The following PHKA1 variants were observed in gnomAD, a reference collection of about 807,000 sequenced individuals.
PHKA1 encodes the protein phosphorylase b kinase regulatory subunit alpha, skeletal muscle isoform.
Under a neutral mutation model 110.2 loss-of-function variants are expected in PHKA1, and 60 were observed. The observed-to-expected ratio is 0.54, with a 90% CI of 0.44 to 0.68. PHKA1 has a LOEUF of 0.68. Ranked by LOEUF, PHKA1 falls within the 30% of genes least tolerant of loss-of-function variation. The probability of loss-of-function intolerance (pLI) is 0.00; values close to 1 mark genes in which losing one functional copy is unlikely to be tolerated. For missense variants in PHKA1, 801 were observed against 942.5 expected (o/e 0.85, Z 1.97); for synonymous variants, 316 against 333.6 (o/e 0.95, Z 0.58).
At chrX:72,670,733 C>G (rs2053682643) in intron 6 of PHKA1, among the ~76,000 whole-genome samples, 1 of 111,623 alleles carries the variant, frequency 9.0e-6, no homozygotes, top group African/African-American at 3.3e-5. Context: ...AAAGCTTATC[C>G]ACCATGATCA....
intron 16 of PHKA1, among the ~76,000 whole-genome samples, chrX:72,630,249 AAAAGAAAAAGAAAAAG>A (rs1420380751): frequency 1.8e-4 from 15 of 83,202 alleles, no homozygotes; most frequent in Non-Finnish European, 3.1e-4. Flanking sequence ...GAGACTCTGA[AAAAGAAAAAGAAAAAG>A]AAAAAGAAAA....
At chrX:72,687,167 T>G (rs2053975713) in intron 4 of PHKA1, among the ~76,000 whole-genome samples, 1 of 111,695 alleles carries the variant, frequency 9.0e-6, no homozygotes, top group African/African-American at 3.3e-5. Flanking sequence ...TTTACTGAAT[T>G]GCTGGTCTTC....
Position 72,695,739 on chromosome X carries a change from G to A in PHKA1, c.423C>T (p.Tyr141=). ...CAGTCATTTGGGCTAAGAAGAGCAGGTACACAGAGGTAGCATCCAACTGCA... is the reference window on the plus strand; with the variant it reads ...CAGTCATTTGGGCTAAGAAGAGCAGATACACAGAGGTAGCATCCAACTGCA... ...GHLQLDATSV[Y]LLFLAQMTAS... Residue 141 remains tyrosine, a synonymous_variant, in exon 4 of 32, where the codon TAC becomes TAT. Coordinates refer to ENST00000373542, the MANE Select transcript of PHKA1 (RefSeq NM_002637.4). 1 of 1,208,993 alleles carries A rather than the reference G, an allele frequency of 8.3e-7. No individual in the cohort carries two copies. Among genetic ancestry groups the A allele is most frequent in the Non-Finnish European group, 1.1e-6 (1 of 894,633 alleles).
intron 2 of PHKA1, among the ~76,000 whole-genome samples, chrX:72,710,840 A>AT (rs1201811776): frequency 1.5e-4 from 12 of 78,772 alleles, no homozygotes; most frequent in Admixed American, 2.6e-4. Flanking sequence ...TTATTTTTTT[A>AT]TTTTTTTTTT....
At chrX:72,713,706 A>C (rs868945602) in intron 1 of PHKA1, 97 bp downstream of exon 1, 9 of 628,911 alleles carry the variant, frequency 1.4e-5, no homozygotes, top group African/African-American at 4.5e-5. Context: ...ACACACCCAC[A>C]CACGCACGCA....
At chrX:72,626,102 T>G (rs1556282764) in intron 17 of PHKA1, among the ~76,000 whole-genome samples, 1 of 109,342 alleles carries the variant, frequency 9.1e-6, no homozygotes, top group African/African-American at 3.3e-5. Context: ...ATAAAACACA[T>G]AGTATATGTA....
At chrX:72,607,430 T>C (rs782268042) in intron 23 of PHKA1, among the ~76,000 whole-genome samples, 1 of 112,172 alleles carries the variant, frequency 8.9e-6, no homozygotes, top group Admixed American at 9.5e-5. Context: ...TGGGGTGAGA[T>C]GATACTTCAC....
chrX:72,690,259 A>G (rs1487754923), intron 4 of PHKA1, among the ~76,000 whole-genome samples: 2 of 111,058 alleles, frequency 1.8e-5, no homozygotes, highest in African/African-American at 6.6e-5. Context: ...TTCGTGCCAT[A>G]TCTAAGAGGC....
intron 7 of PHKA1, among the ~76,000 whole-genome samples, chrX:72,666,545 T>C (rs1404658026): frequency 1.8e-5 from 2 of 111,944 alleles, no homozygotes; most frequent in Non-Finnish European, 3.8e-5. Context: ...AGTTAGAACT[T>C]AGAAAACCAG....
chrX:72,580,918 G>A lies in PHKA1; in HGVS notation c.*84C>T. ...AAAGGGGCAGGGTTGGAGTGATTAG[G>A]CAATAACATTTTAGTTCCATGCACA... On this transcript the variant is annotated 3_prime_UTR_variant, in exon 32 of 32. Coordinates refer to ENST00000373542, the MANE Select transcript of PHKA1 (RefSeq NM_002637.4). 2 of 864,690 alleles carry A rather than the reference G, an allele frequency of 2.3e-6. No homozygotes were observed. Among genetic ancestry groups the A allele is most frequent in the Non-Finnish European group, 3.4e-6 (2 of 593,967 alleles). The allele number at this position is 864,690 out of a possible 1,213,427, so 71.3% of individuals were successfully genotyped here.
At chrX:72,712,972 C>T (rs1404728837) in intron 1 of PHKA1, 35 bp from the exon 2 acceptor site, 1 of 1,196,598 alleles carries the variant, frequency 8.4e-7, no homozygotes, top group African/African-American at 1.8e-5. Flanking sequence ...AGGAAGGTAA[C>T]CATAGGTGTT....
At chrX:72,697,541 A>ATT (rs1556327830) in intron 3 of PHKA1, among the ~76,000 whole-genome samples, 1 of 109,031 alleles carries the variant, frequency 9.2e-6, no homozygotes, top group Non-Finnish European at 1.9e-5. Flanking sequence ...AAGGTCTCCT[A>ATT]AGACCTTGTC....
chrX:72,583,943 C>T (rs782231833), intron 30 of PHKA1, among the ~76,000 whole-genome samples: 10 of 112,226 alleles, frequency 8.9e-5, no homozygotes, highest in Non-Finnish European at 1.9e-4. Flanking sequence ...ATGTGAAGGA[C>T]GGGAGACATG....
At chrX:72,642,751 A>G (rs2053312466) in intron 14 of PHKA1, among the ~76,000 whole-genome samples, 1 of 111,512 alleles carries the variant, frequency 9.0e-6, no homozygotes, top group South Asian at 3.8e-4. Flanking sequence ...AACCAGGAGT[A>G]TTTTATAATA....
chrX:72,627,880 T>C (rs1321823327), intron 16 of PHKA1, among the ~76,000 whole-genome samples: 10 of 105,198 alleles, frequency 9.5e-5, no homozygotes, highest in Admixed American at 9.1e-4. Flanking sequence ...TGCAATGGCT[T>C]GATCTCGGCT....
At chrX:72,633,102 T>A (rs1556289244) in intron 16 of PHKA1, among the ~76,000 whole-genome samples, 6 of 111,766 alleles carry the variant, frequency 5.4e-5, no homozygotes, top group Non-Finnish European at 1.1e-4. Context: ...TGTCCCTTTA[T>A]AACTGGCTTC....
intron 4 of PHKA1, among the ~76,000 whole-genome samples, chrX:72,691,585 AT>A (rs2054039997): frequency 8.9e-6 from 1 of 112,285 alleles, no homozygotes; most frequent in Non-Finnish European, 1.9e-5. Flanking sequence ...CAAAGTACAA[AT>A]TTTATATTTC....
In PHKA1 at chrX:72,580,115, T is replaced by A. The variant is rs1473576299; in HGVS notation, c.*887A>T. On this transcript the variant is annotated 3_prime_UTR_variant, in exon 32 of 32. Coordinates refer to ENST00000373542, the MANE Select transcript of PHKA1 (RefSeq NM_002637.4). The stretch of plus-strand genomic sequence containing the variant: ...GCTGTCTTCAGGGAACTAAGCCACC[T>A]CTGATTCCCTCTCTGTTCCCTATGT... The A allele has an allele frequency of 8.9e-6, 1 of 111,947 alleles. No homozygotes were observed. Among genetic ancestry groups the A allele is most frequent in the Non-Finnish European group, 1.9e-5 (1 of 53,195 alleles). The allele number at this position is 111,947 out of a possible 1,213,427, so 9.2% of individuals were successfully genotyped here.
At chrX:72,656,013 C>G in intron 10 of PHKA1, 107 bp downstream of exon 10, 1 of 847,633 alleles carries the variant, frequency 1.2e-6, no homozygotes, top group Non-Finnish European at 1.8e-6. Flanking sequence ...ACAACTGTCT[C>G]TCCCCTATTA....
Sources: gnomAD v4.1 joint callset for allele counts (sites outside exome capture counted in the v4.1 genomes callset) on GRCh38, gnomAD v4.1.1 for gene constraint, MANE v1.5 for transcripts, NCBI Gene and HGNC (gene_info 2026-07-23, HGNC 2026-07-21) for gene names.